The following GLI3 variants were observed in gnomAD, a reference collection of about 807,000 sequenced individuals.
GLI3 encodes transcription activator GLI3.
Under a neutral mutation model 100.8 loss-of-function variants are expected in GLI3, and 20 were observed. That is an observed-to-expected ratio of 0.20 (90% CI 0.14 to 0.29). The LOEUF (loss-of-function observed/expected upper bound fraction) is 0.29. Ranked by LOEUF, GLI3 falls within the 10% of genes least tolerant of loss-of-function variation. GLI3 has a pLI of 1.00. For missense variants in GLI3, 2,040 were observed against 2,128.5 expected, an observed-to-expected ratio of 0.96 and a Z score of 0.82; for synonymous variants, 938 against 860.5, an observed-to-expected ratio of 1.09 and a Z score of -1.58.
intron 10 of GLI3, among the ~76,000 whole-genome samples, chr7:41,987,434 T>C (rs1360673588): frequency 6.6e-6 from 1 of 152,208 alleles, no homozygotes; most frequent in Non-Finnish European, 1.5e-5. Flanking sequence ...CCCAAAGTAC[T>C]GGGATTACAG....
chr7:42,242,151 T>C (rs1291849777), upstream of GLI3, among the ~76,000 whole-genome samples: 1 of 152,226 alleles, frequency 6.6e-6, no homozygotes, highest in Admixed American at 6.5e-5. Context: ...ATGTTCTGTC[T>C]TTCTTTGAGT....
chr7:42,121,739 T>C (rs973559702), intron 3 of GLI3, among the ~76,000 whole-genome samples: 2 of 152,176 alleles, frequency 1.3e-5, no homozygotes, highest in South Asian at 2.1e-4. Flanking sequence ...TCCCCCTCCA[T>C]CAGGAGTGCA....
intron 12 of GLI3, among the ~76,000 whole-genome samples, chr7:41,976,205 A>G (rs927916241): frequency 6.6e-6 from 1 of 152,190 alleles, no homozygotes; most frequent in African/African-American, 2.4e-5. Context: ...GTAATAGATT[A>G]TATTCCAGCT....
chr7:42,066,211 A>G (rs1293348940), intron 4 of GLI3, among the ~76,000 whole-genome samples: 1 of 152,184 alleles, frequency 6.6e-6, no homozygotes, highest in Non-Finnish European at 1.5e-5. Context: ...GAGTACACTG[A>G]GACTTCAGTG....
chr7:41,977,904 C>T, intron 11 of GLI3, 182 bp from the exon 12 acceptor site: 2 of 643,368 alleles, frequency 3.1e-6, no homozygotes, highest in Non-Finnish European at 5.5e-6. Context: ...GGTGTAGTTC[C>T]AGATAAAGAG....
chr7:42,131,530 A>G (rs1168863975), intron 3 of GLI3, among the ~76,000 whole-genome samples: 3 of 152,242 alleles, frequency 2.0e-5, no homozygotes, highest in Non-Finnish European at 4.4e-5. Flanking sequence ...CTGGTTCAAC[A>G]CAGAGAATTT....
chr7:42,259,994 C>G (rs183520559), intron 1 of GLI3, among the ~76,000 whole-genome samples: 3 of 152,286 alleles, frequency 2.0e-5, no homozygotes, highest in Non-Finnish European at 2.9e-5. Context: ...TAGTTTGGTT[C>G]TGTGTATGTA....
At position 41,961,966 on chromosome 7, in the gene GLI3, A is replaced by G. The variant is rs1045960797; in HGVS notation, c.*2364T>C. 1 of 151,760 alleles carries G rather than the reference A, an allele frequency of 6.6e-6. No homozygotes were observed. Among genetic ancestry groups the G allele is most frequent in the Non-Finnish European group, 1.5e-5 (1 of 67,888 alleles). The allele number at this position is 151,760 out of a possible 1,614,324, so 9.4% of individuals were successfully genotyped here. ...ATCTAAAAGCAGTAGAAAGGAAAGCAAATATAAAAAAAAAAAGAAATAAAA... is the reference window on the plus strand; with the variant it reads ...ATCTAAAAGCAGTAGAAAGGAAAGCGAATATAAAAAAAAAAAGAAATAAAA... On this transcript the variant is annotated 3_prime_UTR_variant, in exon 15 of 15. Transcript: ENST00000395925.
chr7:42,016,496 A>G (rs1253912246), intron 10 of GLI3, among the ~76,000 whole-genome samples: 1 of 152,154 alleles, frequency 6.6e-6, no homozygotes, highest in Non-Finnish European at 1.5e-5. Flanking sequence ...AATCACTAAC[A>G]TTTTATTGAG....
At chr7:42,120,107 T>C (rs1002791668) in intron 3 of GLI3, among the ~76,000 whole-genome samples, 3 of 152,172 alleles carry the variant, frequency 2.0e-5, no homozygotes, top group African/African-American at 7.2e-5. Context: ...ATGATAATTG[T>C]GTGGAGTGGT....
chr7:42,182,683 C>CGTGTGTGTATATATATATATAT (rs1562775920), intron 2 of GLI3, among the ~76,000 whole-genome samples: 5 of 54,868 alleles, frequency 9.1e-5, no homozygotes, highest in Admixed American at 3.6e-4. Flanking sequence ...TATATATATA[C>CGTGTGTGTATATATATATATAT]ACATGTGTGT....
chr7:42,022,387 G>A (rs846274), intron 10 of GLI3, among the ~76,000 whole-genome samples: 79,707 of 151,986 alleles, frequency 0.52, 22,910 homozygotes, highest in African/African-American at 0.78. Context: ...CATAATTTTA[G>A]TGTTTAATCT....
At chr7:42,096,837 CAA>C (rs1312325804) in intron 3 of GLI3, among the ~76,000 whole-genome samples, 1 of 152,194 alleles carries the variant, frequency 6.6e-6, no homozygotes, top group African/African-American at 2.4e-5. Flanking sequence ...TAGGTTATCT[CAA>C]AAGACTGTTG....
intron 8 of GLI3, among the ~76,000 whole-genome samples, chr7:42,025,825 C>T (rs1378014620): frequency 6.6e-6 from 1 of 152,188 alleles, no homozygotes; most frequent in African/African-American, 2.4e-5. Context: ...TCTAAAGTAC[C>T]ACCTGGTGGT....
At chr7:42,115,052 AAGAAGAG>A (rs1482834686) in intron 3 of GLI3, among the ~76,000 whole-genome samples, 1 of 152,062 alleles carries the variant, frequency 6.6e-6, no homozygotes, top group African/African-American at 2.4e-5. Flanking sequence ...GTGAAGAAAT[AAGAAGAG>A]AGAAAAGGGA....
At chr7:42,068,894 A>G (rs934693626) in intron 4 of GLI3, among the ~76,000 whole-genome samples, 2 of 152,208 alleles carry the variant, frequency 1.3e-5, no homozygotes, top group African/African-American at 2.4e-5. Flanking sequence ...AAATTCTGTT[A>G]AAGTTCAGTT....
intron 1 of GLI3, among the ~76,000 whole-genome samples, chr7:42,230,946 C>T (rs1788684967): frequency 6.6e-6 from 1 of 152,214 alleles, no homozygotes; most frequent in Non-Finnish European, 1.5e-5. Flanking sequence ...CTGTATTCCT[C>T]TTAAATCCAC....
intron 2 of GLI3, among the ~76,000 whole-genome samples, chr7:42,198,494 G>T (rs983899891): frequency 1.3e-5 from 2 of 152,110 alleles, no homozygotes; most frequent in African/African-American, 4.8e-5. Context: ...TCCTGGGGAT[G>T]CTGAGCTCCG....
At chr7:42,163,530 G>C (rs1043335565) in intron 2 of GLI3, among the ~76,000 whole-genome samples, 2 of 151,792 alleles carry the variant, frequency 1.3e-5, no homozygotes, top group African/African-American at 4.8e-5. Flanking sequence ...CTGGGTTCAA[G>C]CGATTCTCCT....
Sources: gnomAD v4.1 joint callset for allele counts (sites outside exome capture counted in the v4.1 genomes callset) on GRCh38, gnomAD v4.1.1 for gene constraint, MANE v1.5 for transcripts, NCBI Gene and HGNC (gene_info 2026-07-23, HGNC 2026-07-21) for gene names.